Variants in TLCD4 observed in about 807,000 individuals in gnomAD.
The protein encoded by TLCD4 is TLC domain containing 4, also known as TLC domain-containing protein 4.
Under a neutral mutation model 24.2 loss-of-function variants are expected in TLCD4, and 7 were observed. The ratio of observed to expected loss-of-function variants is 0.29; its 90% confidence interval spans 0.16 to 0.54. The LOEUF is 0.54. Ranked by LOEUF, TLCD4 falls within the 20% of genes least tolerant of loss-of-function variation. The pLI, the probability that TLCD4 is intolerant of heterozygous loss-of-function variation, is 0.95. For missense variants in TLCD4, 259 were observed against 313.9 expected (o/e 0.82, Z 1.32); for synonymous variants, 103 against 106.4 (o/e 0.97, Z 0.20).
At position 95,197,230 on chromosome 1, in the gene TLCD4, T is replaced by C. The variant is rs1679231569; in HGVS notation, c.*5362T>C. The C allele has an allele frequency of 6.6e-6, 1 of 152,198 alleles. No individual in the cohort carries two copies. Among genetic ancestry groups the C allele is most frequent in the Non-Finnish European group, 1.5e-5 (1 of 68,016 alleles). 9.4% of individuals were successfully genotyped at this position (152,198 alleles called of 1,614,324 possible). A position where few individuals can be genotyped will look rare whatever the true frequency, so the allele number is the denominator to read the frequency against. On this transcript the variant is annotated 3_prime_UTR_variant, in exon 7 of 7. Coordinates refer to ENST00000370203, the MANE Select transcript of TLCD4 (RefSeq NM_152487.3). ...TAGATAATGTATGAATCAGTGTTAC[T>C]AGGACTTATCAGTACTTAAAATAGC...
chr1:95,191,454 T>C (rs758569557), intron 6 of TLCD4, 96 bp from the exon 7 acceptor site: 49 of 1,445,362 alleles, frequency 3.4e-5, no homozygotes, highest in Non-Finnish European at 4.4e-5. Flanking sequence ...CCTTTGCTCC[T>C]CCTTCACTGA....
At chr1:95,147,109 T>C (rs1212546827) in intron 2 of TLCD4, among the ~76,000 whole-genome samples, 1 of 151,524 alleles carries the variant, frequency 6.6e-6, no homozygotes, top group Non-Finnish European at 1.5e-5. Flanking sequence ...AGTGTCGCTC[T>C]GTTGCCCAGG....
At chr1:95,147,887 C>G (rs1196585515) in intron 2 of TLCD4, among the ~76,000 whole-genome samples, 1 of 152,102 alleles carries the variant, frequency 6.6e-6, no homozygotes, top group African/African-American at 2.4e-5. Flanking sequence ...TAACATAGAG[C>G]TTGGGAATTA....
intron 6 of TLCD4, among the ~76,000 whole-genome samples, chr1:95,191,278 T>C (rs1679018985): frequency 6.6e-6 from 1 of 152,186 alleles, no homozygotes; most frequent in Non-Finnish European, 1.5e-5. Context: ...TGAGTATATT[T>C]GTGTGGGTCT....
At chr1:95,127,774 G>C (rs1031690338) in intron 1 of TLCD4, among the ~76,000 whole-genome samples, 1 of 152,162 alleles carries the variant, frequency 6.6e-6, no homozygotes, top group Admixed American at 6.5e-5. Context: ...TGTTTGAAAT[G>C]TTGATTTCCT....
At chr1:95,124,132 T>G (rs1057314857) in intron 1 of TLCD4, among the ~76,000 whole-genome samples, 2 of 152,208 alleles carry the variant, frequency 1.3e-5, no homozygotes, top group Non-Finnish European at 2.9e-5. Context: ...TATATTCCCC[T>G]TTGTTTCAAA....
At chr1:95,182,120 C>T (rs970924907) in intron 6 of TLCD4, among the ~76,000 whole-genome samples, 22 of 152,000 alleles carry the variant, frequency 1.4e-4, no homozygotes, top group Non-Finnish European at 7.4e-5. Context: ...ACAAATTTTC[C>T]AATATTCTGA....
chr1:95,101,197 G>A, the TLCD4 span, among the ~76,000 whole-genome samples: 54 of 152,064 alleles, frequency 3.6e-4, no homozygotes, highest in Admixed American at 2.5e-3. Context: ...GTGAGCCACC[G>A]TGCCTGGCCT....
chr1:95,162,287 G>A (rs1448696088), intron 5 of TLCD4, among the ~76,000 whole-genome samples: 2 of 151,288 alleles, frequency 1.3e-5, no homozygotes, highest in South Asian at 4.2e-4. Flanking sequence ...ATCTTTATTG[G>A]TTTAAAGTCT....
intron 1 of TLCD4, among the ~76,000 whole-genome samples, chr1:95,122,832 G>A (rs917115277): frequency 6.6e-6 from 1 of 152,128 alleles, no homozygotes; most frequent in Non-Finnish European, 1.5e-5. Flanking sequence ...TCTCCAAATA[G>A]GCTGAAAAAA....
chr1:95,130,020 A>G (rs1184252477), intron 1 of TLCD4, among the ~76,000 whole-genome samples: 2 of 152,244 alleles, frequency 1.3e-5, no homozygotes, highest in African/African-American at 2.4e-5. Context: ...TTCACATACA[A>G]TTAAAACAAC....
At chr1:95,104,663 C>CAAAAAAAAAAAA in the TLCD4 span, among the ~76,000 whole-genome samples, 17 of 40,598 alleles carry the variant, frequency 4.2e-4, 1 homozygote, top group Non-Finnish European at 5.4e-4. Flanking sequence ...GACTCCGTCT[C>CAAAAAAAAAAAA]AAAAAAAAAA....
chr1:95,125,735 C>G (rs889359080), intron 1 of TLCD4: 3 of 152,198 alleles, frequency 2.0e-5, no homozygotes, highest in Non-Finnish European at 4.4e-5. Flanking sequence ...CTGCAGGGCC[C>G]TTAGGCCAAG....
rs909273476 is a variant in TLCD4 at position 95,196,693 on chromosome 1, A to G, written c.*4825A>G. Reference sequence around the variant, plus strand: ...TTCTAAATCTCAAAGATTTATAAGTACAGTACCTCTGGCTGAAAACTCGTT... The same window carrying G: ...TTCTAAATCTCAAAGATTTATAAGTGCAGTACCTCTGGCTGAAAACTCGTT... On this transcript the variant is annotated 3_prime_UTR_variant, in exon 7 of 7. Coordinates refer to ENST00000370203, the MANE Select transcript of TLCD4 (RefSeq NM_152487.3). 1 of 152,214 alleles carries G rather than the reference A, an allele frequency of 6.6e-6. No homozygotes were observed. The highest frequency in any genetic ancestry group is 2.4e-5 in the African/African-American group (1 of 41,462). 9.4% of individuals were successfully genotyped at this position (152,214 alleles called of 1,614,324 possible).
chr1:95,194,138 G>T lies in TLCD4; in HGVS notation c.*2270G>T, dbSNP rs2101033230. 1 of 152,112 alleles carries T rather than the reference G, an allele frequency of 6.6e-6. No homozygotes were observed. Among genetic ancestry groups the T allele is most frequent in the Admixed American group, 6.5e-5 (1 of 15,298 alleles). The allele number at this position is 152,112 out of a possible 1,614,324, so 9.4% of individuals were successfully genotyped here. Reference sequence around the variant, plus strand: ...ACTTTCATTAATGTTACCCTTCACTGGTATAGCCACTCACTAAATAAGTAT... The same window carrying T: ...ACTTTCATTAATGTTACCCTTCACTTGTATAGCCACTCACTAAATAAGTAT... On this transcript the variant is annotated 3_prime_UTR_variant, in exon 7 of 7. Coordinates refer to ENST00000370203, the MANE Select transcript of TLCD4 (RefSeq NM_152487.3).
chr1:95,107,284 G>A, the TLCD4 span, among the ~76,000 whole-genome samples: 13 of 152,240 alleles, frequency 8.5e-5, no homozygotes, highest in South Asian at 2.3e-3. Flanking sequence ...TTAGCCGGGC[G>A]TGGTGGTGGG....
At chr1:95,180,465 ATAGTT>A (rs1338648065) in intron 6 of TLCD4, among the ~76,000 whole-genome samples, 3 of 152,166 alleles carry the variant, frequency 2.0e-5, no homozygotes, top group Admixed American at 2.0e-4. Context: ...CAGAGTTTCC[ATAGTT>A]TAGTTGTTTT....
At chr1:95,123,811 G>A (rs1240358150) in intron 1 of TLCD4, among the ~76,000 whole-genome samples, 1 of 152,180 alleles carries the variant, frequency 6.6e-6, no homozygotes, top group Non-Finnish European at 1.5e-5. Flanking sequence ...GGACCTTGAA[G>A]TTACTTCTAA....
At chr1:95,177,265 C>T (rs1022458575) in intron 6 of TLCD4, among the ~76,000 whole-genome samples, 2 of 152,050 alleles carry the variant, frequency 1.3e-5, no homozygotes, top group African/African-American at 4.8e-5. Flanking sequence ...GTTTTCTCCC[C>T]ATCTTTGAAA....
Sources: gnomAD v4.1 joint callset for allele counts (sites outside exome capture counted in the v4.1 genomes callset) on GRCh38, gnomAD v4.1.1 for gene constraint, MANE v1.5 for transcripts, NCBI Gene and HGNC (gene_info 2026-07-23, HGNC 2026-07-21) for gene names.